The following ADGRG6 variants were observed in gnomAD, a reference collection of about 807,000 sequenced individuals.
The protein encoded by ADGRG6 is G-protein coupled receptor 126.
ADGRG6 carries 84 observed loss-of-function variants against 142.4 expected under a neutral mutation model. The observed-to-expected ratio is 0.59, with a 90% confidence interval of 0.49 to 0.71. The LOEUF is 0.71. ADGRG6 is among the 30% of genes least tolerant of loss of function. The probability of loss-of-function intolerance (pLI) is 0.00; values close to 1 mark genes in which losing one functional copy is unlikely to be tolerated. For missense variants in ADGRG6, 1,367 were observed against 1,466.6 expected (o/e 0.93, Z 1.11); for synonymous variants, 521 against 520.5 (o/e 1.00, Z -0.01).
chr6:142,312,886 C>G (rs552016093), intron 2 of ADGRG6, among the ~76,000 whole-genome samples: 1 of 152,018 alleles, frequency 6.6e-6, no homozygotes, highest in Non-Finnish European at 1.5e-5. Context: ...GTCAAACTGC[C>G]TATTTGCTTG....
At chr6:142,366,264 T>G (rs1171871360) in intron 2 of ADGRG6, among the ~76,000 whole-genome samples, 1 of 152,226 alleles carries the variant, frequency 6.6e-6, no homozygotes, top group Non-Finnish European at 1.5e-5. Context: ...TAACATTTAT[T>G]GTGAACCTTA....
chr6:142,376,381 T>C (rs1362242676), intron 4 of ADGRG6, among the ~76,000 whole-genome samples: 1 of 152,228 alleles, frequency 6.6e-6, no homozygotes, highest in Non-Finnish European at 1.5e-5. Context: ...CAAGCATTTA[T>C]TAGGCACTTC....
chr6:142,316,283 AAAAGAG>A (rs933648779), intron 2 of ADGRG6, among the ~76,000 whole-genome samples: 172 of 152,284 alleles, frequency 1.1e-3, no homozygotes, highest in African/African-American at 3.9e-3. Flanking sequence ...TGGTTTAGAT[AAAAGAG>A]AAAAAGTGTT....
chr6:142,318,334 T>TTATATTATATATTTA, intron 2 of ADGRG6, among the ~76,000 whole-genome samples: 1 of 94,358 alleles, frequency 1.1e-5, no homozygotes, highest in African/African-American at 4.9e-5. Context: ...TTATATATAT[T>TTATATTATATATTTA]TATATTATAT....
rs1779696425 is a variant in ADGRG6, at chr6:142,342,336, A to T, written c.104-25233A>T. On this transcript the variant is annotated intron_variant, in intron 2 of 24. Coordinates refer to ENST00000367609, the MANE Select transcript of ADGRG6 (RefSeq NM_198569.3). The stretch of plus-strand genomic sequence containing the variant: ...TTTCCACAATGCTTTCTCAGTCCAT[A>T]CTTAGGCTGTGCTGCAGTGATGATG... Among the ~76,000 whole-genome samples, 4 of 152,248 alleles carry T rather than the reference A, an allele frequency of 2.6e-5. No homozygotes were observed. The South Asian group carries it at 6.2e-4, about 24-fold the overall frequency.
intron 2 of ADGRG6, among the ~76,000 whole-genome samples, chr6:142,345,137 A>G (rs909547955): frequency 2.0e-5 from 3 of 152,218 alleles, no homozygotes; most frequent in Non-Finnish European, 2.9e-5. Context: ...CAAGTTTTAC[A>G]TGACTAAAAC....
At chr6:142,393,676 TCA>T (rs1775024891) in intron 8 of ADGRG6, among the ~76,000 whole-genome samples, 3 of 152,162 alleles carry the variant, frequency 2.0e-5, no homozygotes, top group South Asian at 2.1e-4. Context: ...TCAGAACGTC[TCA>T]GTTTCTTTAG....
intron 2 of ADGRG6, among the ~76,000 whole-genome samples, chr6:142,350,637 G>A (rs751758074): frequency 6.6e-6 from 1 of 152,178 alleles, no homozygotes; most frequent in African/African-American, 2.4e-5. Flanking sequence ...AGTGACTAGA[G>A]TGAGACAGAG....
At chr6:142,341,438 TTATA>T (rs1181741972) in intron 2 of ADGRG6, among the ~76,000 whole-genome samples, 19 of 120,246 alleles carry the variant, frequency 1.6e-4, no homozygotes, top group Non-Finnish European at 2.5e-4. Flanking sequence ...ATATATATAA[TTATA>T]TATATAGTAT....
intron 24 of ADGRG6, among the ~76,000 whole-genome samples, 169 bp downstream of exon 24, chr6:142,438,533 C>A (rs946785325): frequency 6.6e-6 from 1 of 152,200 alleles, no homozygotes; most frequent in Admixed American, 6.5e-5. Context: ...AATATTTTGT[C>A]CTTTTAAAAA....
At chr6:142,308,230 T>G (rs533252373) in intron 1 of ADGRG6, among the ~76,000 whole-genome samples, 1 of 152,096 alleles carries the variant, frequency 6.6e-6, no homozygotes, top group Admixed American at 6.6e-5. Context: ...AGCAACACTG[T>G]GGACTAGGTT....
intron 18 of ADGRG6, among the ~76,000 whole-genome samples, chr6:142,411,744 G>A (rs1046181887): frequency 1.3e-5 from 2 of 152,122 alleles, no homozygotes; most frequent in African/African-American, 4.8e-5. Flanking sequence ...CAAGTGGGAG[G>A]AGGGAGAGAA....
At chr6:142,359,932 A>G (rs1759319566) in intron 2 of ADGRG6, among the ~76,000 whole-genome samples, 1 of 152,190 alleles carries the variant, frequency 6.6e-6, no homozygotes, top group Admixed American at 6.5e-5. Context: ...TCTTTCTGGT[A>G]GTGATGTGGA....
intron 2 of ADGRG6, among the ~76,000 whole-genome samples, chr6:142,352,469 G>A (rs1489767692): frequency 6.6e-6 from 1 of 152,098 alleles, no homozygotes; most frequent in Admixed American, 6.5e-5. Flanking sequence ...TGCTTGAGTG[G>A]GGAGGATGGA....
intron 16 of ADGRG6, among the ~76,000 whole-genome samples, chr6:142,409,420 G>A (rs1007653464): frequency 2.6e-5 from 4 of 152,026 alleles, no homozygotes; most frequent in Non-Finnish European, 4.4e-5. Context: ...ATTGATAGAC[G>A]CTTGGGTTGC....
intron 9 of ADGRG6, among the ~76,000 whole-genome samples, chr6:142,395,886 T>C (rs139937140): frequency 9.8e-5 from 15 of 152,302 alleles, no homozygotes; most frequent in Admixed American, 7.2e-4. Context: ...GACCATAGCT[T>C]CAGATAATGC....
At chr6:142,442,277 C>T (rs56989317) in intron 24 of ADGRG6, among the ~76,000 whole-genome samples, 1 of 152,202 alleles carries the variant, frequency 6.6e-6, no homozygotes, top group African/African-American at 2.4e-5. Flanking sequence ...TATAAAAGTT[C>T]ATATCTTCTT....
chr6:142,410,703 T>A (rs1562375373), intron 17 of ADGRG6, among the ~76,000 whole-genome samples: 1 of 152,200 alleles, frequency 6.6e-6, no homozygotes, highest in East Asian at 1.9e-4. Flanking sequence ...TTTGAGAAGA[T>A]CTTTACTCAT....
In ADGRG6 at chr6:142,445,382, A is replaced by G. The variant is rs551722962; in HGVS notation, c.*1867A>G. ...CGGAGGTTACATATGGATGAAAATG[A>G]ATCTTAGTCACTGAATATTCATATA... On this transcript the variant is annotated 3_prime_UTR_variant, in exon 25 of 25. Transcript: ENST00000367609. The G allele has an allele frequency of 6.6e-6, 1 of 152,298 alleles. No homozygotes were observed. Among genetic ancestry groups the G allele is most frequent in the South Asian group, 2.1e-4 (1 of 4,822 alleles). 9.4% of individuals were successfully genotyped at this position (152,298 alleles called of 1,614,324 possible).
Sources: allele counts gnomAD v4.1 joint callset (sites outside exome capture counted in the v4.1 genomes callset), GRCh38; gene constraint gnomAD v4.1.1; transcripts MANE v1.5; gene names NCBI Gene and HGNC (gene_info 2026-07-23, HGNC 2026-07-21).